The following UNKL variants were observed in gnomAD, a reference collection of about 807,000 sequenced individuals.
The protein encoded by UNKL is unk like zinc finger.
UNKL carries 60 observed loss-of-function variants against 78.0 expected under a neutral mutation model. The observed-to-expected ratio is 0.77, with a 90% CI of 0.63 to 0.95. UNKL has a LOEUF of 0.95. Among genes scored for constraint, UNKL ranks in the 40% least tolerant of loss-of-function variants. The probability of loss-of-function intolerance (pLI) is 0.00; values close to 1 mark genes in which losing one functional copy is unlikely to be tolerated. For synonymous variants in UNKL, 608 were observed against 474.8 expected (o/e 1.28, Z -3.65); for missense variants, 1,159 against 1,045.7 (o/e 1.11, Z -1.49).
rs777699503 is a variant in UNKL, at chr16:1,367,102, G to A, written c.2036C>T (p.Ala679Val). The A allele has an allele frequency of 8.3e-6, 13 of 1,569,670 alleles. No individual in the cohort carries two copies. Among genetic ancestry groups the A allele is most frequent in the Admixed American group, 1.8e-5 (1 of 55,832 alleles). ...LQSQLRLDLE[A>V]VDGVIFQLRA... is the part of the protein sequence containing the mutation. ...CAGAGCAGGACTCACGCCGTCCACCGCCTCCAGGTCCAGGCGCAGCTGACT... is the reference window on the plus strand; with the variant it reads ...CAGAGCAGGACTCACGCCGTCCACCACCTCCAGGTCCAGGCGCAGCTGACT... The change falls in exon 14 of 15, where the codon GCG (alanine) becomes GTG (valine). Residue 679 changes from alanine (A) to valine (V), a missense_variant. Physicochemically the swap from Ala to Val is moderately conservative, Grantham distance 64. Transcript: ENST00000389221.
chr16:1,367,744 C>T lies in UNKL; in HGVS notation c.1700G>A (p.Gly567Glu). Reference protein sequence around the residue: ...PPSSSSASPNGAELARVRRQL... With the variant: ...PPSSSSASPNEAELARVRRQL... ...CCGCCTGACCCGGGCCAGCTCAGCT[C>T]CGTTTGGACTTGCACTCGAAGAGGA... Residue 567 changes from glycine to glutamate, a missense_variant, in exon 13 of 15, where the codon GGA (glycine) becomes GAA (glutamate). Coordinates refer to ENST00000389221, the MANE Select transcript of UNKL (RefSeq NM_001372107.1). 6.3e-7 allele frequency: 1 copy of T among 1,577,140 alleles called. No homozygotes were observed. Among genetic ancestry groups the T allele is most frequent in the Non-Finnish European group, 8.6e-7 (1 of 1,162,246 alleles).
chr16:1,409,202 G>A (rs560140299), intron 2 of UNKL, among the ~76,000 whole-genome samples: 15 of 152,286 alleles, frequency 9.8e-5, no homozygotes, highest in African/African-American at 3.1e-4. Context: ...GTGAGCCACC[G>A]CGCCCAGCCA....
At chr16:1,375,971 A>G (rs1331783794) in intron 10 of UNKL, among the ~76,000 whole-genome samples, 1 of 152,218 alleles carries the variant, frequency 6.6e-6, no homozygotes, top group East Asian at 1.9e-4. Flanking sequence ...AGCAGAGCCG[A>G]GACACTGCAG....
chr16:1,409,696 C>A (rs894463915), intron 2 of UNKL, among the ~76,000 whole-genome samples: 13 of 152,084 alleles, frequency 8.5e-5, no homozygotes, highest in Non-Finnish European at 1.8e-4. Context: ...CAGGCGCTTA[C>A]TACAGCACTG....
chr16:1,390,614 A>C lies in UNKL; in HGVS notation c.1086+18T>G. ...CGCGACATCAGGCACGAGGGTGGGAAACCTTGGGGGCCTGTACCTGCTTGC... is the reference window on the plus strand; with the variant it reads ...CGCGACATCAGGCACGAGGGTGGGACACCTTGGGGGCCTGTACCTGCTTGC... On this transcript the variant is annotated intron_variant, in intron 9 of 14. Transcript: ENST00000389221. 6.5e-7 allele frequency: 1 copy of C among 1,535,656 alleles called. No homozygotes were observed. The highest frequency in any genetic ancestry group is 1.2e-5 in the South Asian group (1 of 84,044).
chr16:1,405,194 CAAAAAAAAAAAAAAA>C (rs529175991), intron 2 of UNKL, among the ~76,000 whole-genome samples: 193 of 109,476 alleles, frequency 1.8e-3, no homozygotes, highest in East Asian at 8.7e-3. Context: ...GACCCTGTCT[CAAAAAAAAAAAAAAA>C]AAAAAAAAAA....
At chr16:1,405,871 T>G (rs780668695) in intron 2 of UNKL, 1 of 434,546 alleles carries the variant, frequency 2.3e-6, no homozygotes, top group South Asian at 1.6e-5. Flanking sequence ...GATCCTGGAG[T>G]GCAAGAAGCT....
chr16:1,407,724 C>G (rs1324466431), intron 2 of UNKL, among the ~76,000 whole-genome samples: 4 of 149,240 alleles, frequency 2.7e-5, no homozygotes, highest in Non-Finnish European at 5.9e-5. Context: ...AAACCTGTGT[C>G]TGTGTGTCAA....
intron 6 of UNKL, chr16:1,394,428 T>C (rs548310451): frequency 4.3e-6 from 3 of 696,740 alleles, no homozygotes; most frequent in East Asian, 2.7e-5. Context: ...CACGCACACA[T>C]GTGGGGCCAT....
chr16:1,386,344 G>A (rs556352766), intron 9 of UNKL, among the ~76,000 whole-genome samples: 1 of 152,330 alleles, frequency 6.6e-6, no homozygotes, highest in East Asian at 1.9e-4. Context: ...CCTGAGATCA[G>A]GAGTTCGAGA....
chr16:1,379,059 G>A (rs2036451607), intron 10 of UNKL: 1 of 152,274 alleles, frequency 6.6e-6, no homozygotes, highest in African/African-American at 2.4e-5. Context: ...CCGGGCGTTA[G>A]GAAACCACCG....
chr16:1,366,552 CAG>C (rs1047916930), intron 14 of UNKL, among the ~76,000 whole-genome samples, 157 bp from the exon 15 acceptor site: 7 of 152,196 alleles, frequency 4.6e-5, no homozygotes, highest in Non-Finnish European at 7.4e-5. Flanking sequence ...AGGGCCACCT[CAG>C]GGAGAAGGCA....
At chr16:1,375,200 G>A (rs983134482) in intron 10 of UNKL, among the ~76,000 whole-genome samples, 2 of 152,232 alleles carry the variant, frequency 1.3e-5, no homozygotes, top group African/African-American at 2.4e-5. Context: ...AGAGGCTGGC[G>A]TGGACGTGGC....
In UNKL at chr16:1,399,244, T is replaced by C; in HGVS notation, c.734+130A>G. 2 of 1,391,674 alleles carry C rather than the reference T, an allele frequency of 1.4e-6. No individual in the cohort carries two copies. The highest frequency in any genetic ancestry group is 1.9e-6 in the Non-Finnish European group (2 of 1,062,600). The allele number at this position is 1,391,674 out of a possible 1,614,324, so 86.2% of individuals were successfully genotyped here. On this transcript the variant is annotated intron_variant, in intron 5 of 14. Transcript: ENST00000389221. This position sits in a 1 kb window ranked among gnomAD's most constrained non-coding sequence, Gnocchi z 5.8. ...ACAGCCACTGTGCTTGGAGATGCCC[T>C]CCCCTCCCGGGGATGATGGTGCCAC...
At chr16:1,374,500 G>C (rs1489776839) in intron 10 of UNKL, among the ~76,000 whole-genome samples, 1 of 152,166 alleles carries the variant, frequency 6.6e-6, no homozygotes, top group Admixed American at 6.5e-5. Context: ...GGGGAAACCT[G>C]TCAGACCCGA....
chr16:1,383,073 T>C (rs182267733), intron 10 of UNKL, among the ~76,000 whole-genome samples: 1 of 133,274 alleles, frequency 7.5e-6, no homozygotes, highest in East Asian at 2.2e-4. Context: ...GGCTGGCCAA[T>C]ATGGTAAAAC....
At chr16:1,410,264 T>C (rs1366357284) in intron 2 of UNKL, among the ~76,000 whole-genome samples, 1 of 124,580 alleles carries the variant, frequency 8.0e-6, no homozygotes, top group Non-Finnish European at 1.7e-5. Flanking sequence ...AGACCCTGTC[T>C]CAGAAAAAAA....
intron 11 of UNKL, among the ~76,000 whole-genome samples, chr16:1,370,852 G>C (rs2035758326): frequency 6.6e-6 from 1 of 152,254 alleles, no homozygotes; most frequent in South Asian, 2.1e-4. Flanking sequence ...GGGAGGCCAA[G>C]GCGGGCAGAT....
chr16:1,366,010 G>A lies in UNKL; in HGVS notation c.*230C>T, dbSNP rs565734018. On this transcript the variant is annotated 3_prime_UTR_variant, in exon 15 of 15. Coordinates refer to ENST00000389221, the MANE Select transcript of UNKL (RefSeq NM_001372107.1). ...TGGGTTTGCATTTAAGGTTTTTGAG[G>A]AAAATACCTTGAAACCGTCGGTAGG... 6.5e-6 allele frequency: 3 copies of A among 458,546 alleles called. No individual in the cohort carries two copies. Among genetic ancestry groups the A allele is most frequent in the East Asian group, 7.2e-5 (2 of 27,908 alleles). The allele number at this position is 458,546 out of a possible 1,614,324, so 28.4% of individuals were successfully genotyped here. A position where few individuals can be genotyped will look rare whatever the true frequency, so the allele number is the denominator to read the frequency against.
Sources: allele counts gnomAD v4.1 joint callset (sites outside exome capture counted in the v4.1 genomes callset), GRCh38; gene constraint gnomAD v4.1.1; non-coding constraint Gnocchi (gnomAD v3.1); transcripts MANE v1.5; gene names NCBI Gene and HGNC (gene_info 2026-07-23, HGNC 2026-07-21).